The following ADAM19 variants were observed in gnomAD, a reference collection of about 807,000 sequenced individuals.
ADAM19 encodes disintegrin and metalloproteinase domain-containing protein 19.
Under a neutral mutation model 114.7 loss-of-function variants are expected in ADAM19, and 65 were observed. The ratio of observed to expected loss-of-function variants is 0.57; its 90% CI spans 0.46 to 0.70. The LOEUF is 0.70. Ranked by LOEUF, ADAM19 falls within the 30% of genes least tolerant of loss-of-function variation. The probability of loss-of-function intolerance (pLI) is 0.00; values close to 1 mark genes in which losing one functional copy is unlikely to be tolerated. For missense variants in ADAM19, 1,063 were observed against 1,204.7 expected (o/e 0.88, Z 1.74); for synonymous variants, 466 against 460.5 (o/e 1.01, Z -0.15).
Position 157,570,906 on chromosome 5 carries a change from C to T in ADAM19, c.169G>A (p.Val57Met), listed in dbSNP as rs771837230. ...CTTTTGAGTCTTACCTTTTCTCTCA[C>T]GGGGCTTTCTGAAGTCTTCCACTGA... ...IPQWKTSESPVREKHPLKAEL... is the reference protein window; with the variant it reads ...IPQWKTSESPMREKHPLKAEL... Residue 57 changes from valine to methionine, a missense_variant, in exon 2 of 23, where the codon GTG (valine) becomes ATG (methionine). Physicochemically the swap from Val to Met is conservative, Grantham distance 21. Coordinates refer to ENST00000257527, the MANE Select transcript of ADAM19 (RefSeq NM_033274.5). The T allele has an allele frequency of 4.5e-5, 73 of 1,614,000 alleles. No individual in the cohort carries two copies. The highest frequency in any genetic ancestry group is 1.6e-4 in the Middle Eastern group (1 of 6,084).
At chr5:157,503,099 C>T in intron 11 of ADAM19, 119 bp from the exon 12 acceptor site, 1 of 773,878 alleles carries the variant, frequency 1.3e-6, no homozygotes, top group Non-Finnish European at 2.1e-6. Flanking sequence ...TTCAGACCCC[C>T]ATTGTCTCAC....
chr5:157,502,642 A>C (rs1313661953), intron 12 of ADAM19, among the ~76,000 whole-genome samples, 161 bp downstream of exon 12: 1 of 152,214 alleles, frequency 6.6e-6, no homozygotes, highest in Non-Finnish European at 1.5e-5. Context: ...AAACACTCCA[A>C]CTGGAAGGCT....
intron 22 of ADAM19, chr5:157,481,238 G>T (rs1754736257): frequency 3.3e-6 from 2 of 608,734 alleles, no homozygotes; most frequent in African/African-American, 3.7e-5. Context: ...TCCCTTCCCT[G>T]CTAAGGCAGC....
chr5:157,481,043 A>G (rs1283867142), intron 22 of ADAM19, 41 bp from the exon 23 acceptor site: 2 of 1,613,482 alleles, frequency 1.2e-6, no homozygotes, highest in Admixed American at 1.7e-5. Context: ...CATCAGCTTG[A>G]TGCTGATCAA....
Position 157,499,561 on chromosome 5 carries a change from A to C in ADAM19, c.1398+12T>G, listed in dbSNP as rs1162377146. ...GGCCAGGGCCCAAGGCGTGGAGAAA[A>C]GGGCCACTTACCTTACACTGGTGGC... On this transcript the variant is annotated intron_variant, in intron 13 of 22. Coordinates refer to ENST00000257527, the MANE Select transcript of ADAM19 (RefSeq NM_033274.5). The C allele has an allele frequency of 6.2e-7, 1 of 1,609,812 alleles. No homozygotes were observed.
In ADAM19 at chr5:157,543,518, T is replaced by C. The variant is rs1431016911; in HGVS notation, c.252-5527A>G. ...AGATGTTAGAATAGTGCCTGGCATA[T>C]AGGAAGATCATATGAACAAATGTGA... On this transcript the variant is annotated intron_variant, in intron 3 of 22. Coordinates refer to ENST00000257527, the MANE Select transcript of ADAM19 (RefSeq NM_033274.5). Among the ~76,000 whole-genome samples the C allele has an allele frequency of 2.6e-5, 4 of 152,296 alleles. No individual in the cohort carries two copies. In the South Asian group the frequency reaches 6.2e-4, roughly 24 times the overall value.
rs967717729 is a variant in ADAM19, at chr5:157,508,081, T to G, written c.906-941A>C. Among the ~76,000 whole-genome samples the G allele has an allele frequency of 6.6e-5, 10 of 152,334 alleles. No individual in the cohort carries two copies. The East Asian group carries it at 1.7e-3, about 26-fold the overall frequency. On this transcript the variant is annotated intron_variant, in intron 9 of 22. Coordinates refer to ENST00000257527, the MANE Select transcript of ADAM19 (RefSeq NM_033274.5). ...GGCAGACTTATCTTCAGAGAAACAA[T>G]CTGCAAAGAAATATGCAAAATCTAT...
chr5:157,498,510 T>C (rs1755438007), intron 13 of ADAM19, among the ~76,000 whole-genome samples: 1 of 152,152 alleles, frequency 6.6e-6, no homozygotes, highest in Non-Finnish European at 1.5e-5. Flanking sequence ...AGTATGTGAA[T>C]GGTATCTGGC....
Position 157,480,824 on chromosome 5 carries a change from A to G in ADAM19, c.*125T>C. The G allele has an allele frequency of 6.6e-7, 1 of 1,515,844 alleles. No homozygotes were observed. Among genetic ancestry groups the G allele is most frequent in the Non-Finnish European group, 8.8e-7 (1 of 1,136,522 alleles). 93.9% of individuals were successfully genotyped at this position (1,515,844 alleles called of 1,614,324 possible). A position where few individuals can be genotyped will look rare whatever the true frequency, so the allele number is the denominator to read the frequency against. On this transcript the variant is annotated 3_prime_UTR_variant, in exon 23 of 23. Transcript: ENST00000257527. Reference sequence around the variant, plus strand: ...AACAGGGAGATTTTTGGAGATGTGGAGGTTCCTGGAGGAGGGTGGGAGGAG... The same window carrying G: ...AACAGGGAGATTTTTGGAGATGTGGGGGTTCCTGGAGGAGGGTGGGAGGAG...
At chr5:157,575,468 TG>T in intron 1 of ADAM19, 134 bp downstream of exon 1, 1 of 591,872 alleles carries the variant, frequency 1.7e-6, no homozygotes, top group Non-Finnish European at 2.6e-6. Flanking sequence ...GCTCCCAGGC[TG>T]GGGACGGCGG....
chr5:157,511,320 T>G (rs892823405), intron 8 of ADAM19, among the ~76,000 whole-genome samples: 1 of 152,194 alleles, frequency 6.6e-6, no homozygotes, highest in African/African-American at 2.4e-5. Flanking sequence ...ACTTTTTACG[T>G]ACTAGGCACT....
chr5:157,519,812 T>A (rs747908632), intron 6 of ADAM19, 27 bp downstream of exon 6: 3 of 1,587,310 alleles, frequency 1.9e-6, no homozygotes, highest in Non-Finnish European at 2.6e-6. Context: ...CCAGGTTGAT[T>A]TCTGCACTGA....
At chr5:157,481,651 T>G (rs1243144640) in intron 22 of ADAM19, 140 bp downstream of exon 22, 2 of 1,551,372 alleles carry the variant, frequency 1.3e-6, no homozygotes, top group African/African-American at 2.7e-5. Context: ...GAAACATGAA[T>G]GTTTTGCCCT....
intron 9 of ADAM19, among the ~76,000 whole-genome samples, chr5:157,508,985 A>G (rs552950823): frequency 6.6e-6 from 1 of 152,370 alleles, no homozygotes; most frequent in South Asian, 2.1e-4. Flanking sequence ...TAGAAAGTCT[A>G]AGACCTGACC....
chr5:157,559,834 C>G lies in ADAM19; in HGVS notation c.251+4539G>C, dbSNP rs574970355. Among the ~76,000 whole-genome samples the G allele has an allele frequency of 9.3e-4, 141 of 152,322 alleles. 1 individual carries two copies. Among genetic ancestry groups the G allele is most frequent in the Admixed American group, 2.4e-3 (37 of 15,294 alleles). ...TTCTGACCTAGAAGTTCGTCCCCAA[C>G]TTCAAGGTCCCGTGATTTGGGGCAC... On this transcript the variant is annotated intron_variant, in intron 3 of 22. Transcript: ENST00000257527.
intron 20 of ADAM19, among the ~76,000 whole-genome samples, chr5:157,488,765 C>G (rs1020716376): frequency 8.5e-5 from 13 of 152,170 alleles, no homozygotes; most frequent in Non-Finnish European, 1.8e-4. Flanking sequence ...GGCATGGTGG[C>G]TCATGCCTGT....
chr5:157,545,462 T>A (rs1757023307), intron 3 of ADAM19, among the ~76,000 whole-genome samples: 1 of 152,236 alleles, frequency 6.6e-6, no homozygotes, highest in Admixed American at 6.5e-5. Flanking sequence ...GGACCGTCTA[T>A]TCATTCTAGG....
At position 157,490,478 on chromosome 5, in the gene ADAM19, G is replaced by A. The variant is rs1009928777; in HGVS notation, c.2096-24C>T. The A allele has an allele frequency of 5.6e-6, 9 of 1,610,110 alleles. No homozygotes were observed. The African/African-American group carries it at 1.1e-4, about 19-fold the overall frequency. The stretch of plus-strand genomic sequence containing the variant: ...ACCTTCCAGAAACAGAACCCAAGTG[G>A]GAGATTTAGAAGCTGTCTCGGCTAC... On this transcript the variant is annotated intron_variant, in intron 18 of 22. Coordinates refer to ENST00000257527, the MANE Select transcript of ADAM19 (RefSeq NM_033274.5).
At chr5:157,548,113 T>C (rs1341198325) in intron 3 of ADAM19, among the ~76,000 whole-genome samples, 1 of 152,192 alleles carries the variant, frequency 6.6e-6, no homozygotes, top group Non-Finnish European at 1.5e-5. Context: ...CCCTATTGTA[T>C]GAGCCAACTC....
Sources: gnomAD v4.1 joint callset for allele counts (sites outside exome capture counted in the v4.1 genomes callset) on GRCh38, gnomAD v4.1.1 for gene constraint, MANE v1.5 for transcripts, NCBI Gene and HGNC (gene_info 2026-07-23, HGNC 2026-07-21) for gene names.